The following CMSS1 variants were observed in gnomAD, a reference collection of about 807,000 sequenced individuals.
CMSS1 encodes the protein protein CMSS1.
In CMSS1, 33 loss-of-function variants were observed where a neutral mutation model predicts 43.5. The ratio of observed to expected loss-of-function variants is 0.76; its 90% CI spans 0.57 to 1.01. CMSS1 has a LOEUF of 1.01. Among genes scored for constraint, CMSS1 ranks in the 50% least tolerant of loss-of-function variants. The pLI is 0.00. For missense variants in CMSS1, 313 were observed against 326.4 expected (o/e 0.96, Z 0.32); for synonymous variants, 115 against 117.2 (o/e 0.98, Z 0.12).
intron 4 of CMSS1, among the ~76,000 whole-genome samples, chr3:100,165,356 T>C (rs1317691810): frequency 6.6e-6 from 1 of 152,206 alleles, no homozygotes; most frequent in African/African-American, 2.4e-5. Flanking sequence ...ATTGTTATGT[T>C]GTGTTGTATT....
chr3:100,092,599 T>C (rs1292894925), intron 1 of CMSS1, among the ~76,000 whole-genome samples: 1 of 149,976 alleles, frequency 6.7e-6, no homozygotes, highest in East Asian at 1.9e-4. Flanking sequence ...GGCCACTAGT[T>C]ATGAGGGTTA....
intron 1 of CMSS1, chr3:99,849,049 C>T (rs1197919343): frequency 6.2e-7 from 1 of 1,614,134 alleles, no homozygotes; most frequent in South Asian, 1.1e-5. Context: ...TTGCATTTTT[C>T]CATTCTGAAG....
chr3:100,069,509 T>C (rs192537188), intron 1 of CMSS1, among the ~76,000 whole-genome samples: 31 of 152,184 alleles, frequency 2.0e-4, no homozygotes, highest in Admixed American at 7.2e-4. Flanking sequence ...TCTCCTCTGA[T>C]AGTGGTGTTT....
intron 1 of CMSS1, among the ~76,000 whole-genome samples, chr3:99,973,340 T>C (rs1158586223): frequency 2.0e-5 from 3 of 152,224 alleles, no homozygotes; most frequent in African/African-American, 4.8e-5. Flanking sequence ...GTATGCAAAA[T>C]TGCAAAAACT....
intron 1 of CMSS1, among the ~76,000 whole-genome samples, chr3:99,911,533 C>G (rs1706787673): frequency 6.6e-6 from 1 of 151,918 alleles, no homozygotes; most frequent in East Asian, 1.9e-4. Context: ...CATACAGGGT[C>G]TGTATGCCCT....
intron 1 of CMSS1, among the ~76,000 whole-genome samples, chr3:99,879,006 A>T (rs1705632011): frequency 6.6e-6 from 1 of 152,230 alleles, no homozygotes; most frequent in Non-Finnish European, 1.5e-5. Context: ...TCAAAATTGG[A>T]TGAGAGAGTT....
intron 1 of CMSS1, chr3:99,848,115 A>G: frequency 6.8e-7 from 1 of 1,459,952 alleles, no homozygotes; most frequent in Non-Finnish European, 9.0e-7. Context: ...CGATATGACT[A>G]TGCAGGCAAC....
chr3:99,910,926 A>G (rs148884037), intron 1 of CMSS1, among the ~76,000 whole-genome samples: 210 of 152,302 alleles, frequency 1.4e-3, no homozygotes, highest in African/African-American at 4.7e-3. Flanking sequence ...AACCCTTTTC[A>G]AGGATGAAGA....
chr3:100,037,274 G>A (rs2065123593), intron 1 of CMSS1, among the ~76,000 whole-genome samples: 1 of 152,178 alleles, frequency 6.6e-6, no homozygotes, highest in Admixed American at 6.5e-5. Context: ...AACTTACTCA[G>A]ATGGTTTAGA....
chr3:99,965,251 G>A (rs548716600), intron 1 of CMSS1, among the ~76,000 whole-genome samples: 7 of 152,248 alleles, frequency 4.6e-5, no homozygotes, highest in South Asian at 2.1e-4. Flanking sequence ...GAGTCCAAGT[G>A]GTTTATGACT....
intron 1 of CMSS1, among the ~76,000 whole-genome samples, chr3:100,097,604 A>G (rs1014206923): frequency 3.9e-5 from 6 of 152,216 alleles, no homozygotes; most frequent in African/African-American, 7.2e-5. Context: ...TTGGATTTAC[A>G]TCTAAAAGTG....
intron 5 of CMSS1, among the ~76,000 whole-genome samples, 170 bp downstream of exon 5, chr3:100,166,564 C>A (rs1410030037): frequency 6.6e-6 from 1 of 152,132 alleles, no homozygotes. Context: ...TGCTGTTTGA[C>A]CTGAGACGAG....
intron 1 of CMSS1, among the ~76,000 whole-genome samples, chr3:99,961,332 C>G (rs1708483831): frequency 6.6e-6 from 1 of 152,086 alleles, no homozygotes; most frequent in Admixed American, 6.5e-5. Flanking sequence ...TTTTTTAACC[C>G]CAATACTCCA....
chr3:100,115,315 A>G (rs1344445833), intron 1 of CMSS1, among the ~76,000 whole-genome samples: 1 of 152,162 alleles, frequency 6.6e-6, no homozygotes, highest in African/African-American at 2.4e-5. Context: ...TGAGAAAACC[A>G]AAGATCAGAA....
At position 100,012,162 on chromosome 3, in the gene CMSS1, G is replaced by A. The variant is rs144790683; in HGVS notation, c.65-134811G>A. On this transcript the variant is annotated intron_variant, in intron 1 of 9. Coordinates refer to ENST00000421999, the MANE Select transcript of CMSS1 (RefSeq NM_032359.4). ...TATTTGTTAATTCTAAACTTGAGTG[G>A]GATTTATAATGTCTATATCTGTCTT... Among the ~76,000 whole-genome samples the A allele has an allele frequency of 3.7e-3, 566 of 151,988 alleles. 7 individuals carry two copies. Among genetic ancestry groups the A allele is most frequent in the Non-Finnish European group, 3.3e-3 (222 of 67,950 alleles).
chr3:99,903,440 C>T (rs1193881638), intron 1 of CMSS1, among the ~76,000 whole-genome samples: 2 of 151,754 alleles, frequency 1.3e-5, no homozygotes, highest in African/African-American at 4.8e-5. Flanking sequence ...TTAGTAGAGA[C>T]GGGGTTTCAC....
intron 1 of CMSS1, among the ~76,000 whole-genome samples, chr3:99,839,120 AT>A (rs1308286826): frequency 6.6e-6 from 1 of 151,938 alleles, no homozygotes; most frequent in Non-Finnish European, 1.5e-5. Context: ...CCCATCCTGT[AT>A]CCCCTGCTCA....
At chr3:99,894,679 A>T (rs1706192211) in intron 1 of CMSS1, among the ~76,000 whole-genome samples, 1 of 152,214 alleles carries the variant, frequency 6.6e-6, no homozygotes, top group Admixed American at 6.5e-5. Context: ...CATAAAAACG[A>T]TATTATTAAT....
intron 1 of CMSS1, among the ~76,000 whole-genome samples, chr3:99,997,330 A>G (rs745658382): frequency 2.0e-5 from 3 of 152,228 alleles, no homozygotes; most frequent in African/African-American, 4.8e-5. Flanking sequence ...ATTAGGAACA[A>G]CTATGTGCTC....
Sources: allele counts gnomAD v4.1 joint callset (sites outside exome capture counted in the v4.1 genomes callset), GRCh38; gene constraint gnomAD v4.1.1; transcripts MANE v1.5; gene names NCBI Gene and HGNC (gene_info 2026-07-23, HGNC 2026-07-21).